Variants in NOX4 observed in about 807,000 individuals in gnomAD.
NOX4 encodes the protein kidney oxidase-1.
Under a neutral mutation model 87.6 loss-of-function variants are expected in NOX4, and 69 were observed. That is an observed-to-expected ratio of 0.79 (90% confidence interval 0.65 to 0.96). NOX4 has a LOEUF of 0.96. NOX4 is among the 40% of genes least tolerant of loss of function. The pLI, the probability that NOX4 is intolerant of heterozygous loss-of-function variation, is 0.00. For synonymous variants in NOX4, 275 were observed against 238.2 expected (o/e 1.15, Z -1.42); for missense variants, 680 against 681.5 (o/e 1.00, Z 0.02).
chr11:89,430,881 G>T (rs1387556512), intron 7 of NOX4, among the ~76,000 whole-genome samples: 8 of 152,116 alleles, frequency 5.3e-5, no homozygotes, highest in Non-Finnish European at 1.2e-4. Flanking sequence ...AACCAAAAAA[G>T]AGCCTGCATT....
intron 11 of NOX4, 38 bp downstream of exon 11, chr11:89,399,979 C>T (rs781373319): frequency 1.3e-6 from 2 of 1,500,446 alleles, no homozygotes; most frequent in Admixed American, 1.8e-5. Context: ...ATGCATAGCA[C>T]CCTACAAATG....
intron 13 of NOX4, among the ~76,000 whole-genome samples, chr11:89,353,382 A>G (rs1463256328): frequency 2.0e-5 from 3 of 152,192 alleles, no homozygotes; most frequent in African/African-American, 7.2e-5. Flanking sequence ...TCAGTCAGCA[A>G]CCATCAACAT....
intron 12 of NOX4, among the ~76,000 whole-genome samples, chr11:89,363,821 T>C (rs17193643): frequency 0.059 from 9,033 of 152,198 alleles, 362 homozygotes; most frequent in Non-Finnish European, 0.084. Context: ...TAATAATACA[T>C]GGTAATGCAT....
intron 12 of NOX4, among the ~76,000 whole-genome samples, chr11:89,370,204 T>C (rs1939339831): frequency 6.6e-6 from 1 of 151,998 alleles, no homozygotes; most frequent in Non-Finnish European, 1.5e-5. Flanking sequence ...ATCTTCTCAC[T>C]GTAGAAAACT....
upstream of NOX4, among the ~76,000 whole-genome samples, chr11:89,501,041 A>T (rs1038162790): frequency 3.9e-5 from 6 of 152,158 alleles, no homozygotes; most frequent in South Asian, 8.3e-4. Context: ...CAACTTGGAA[A>T]TATACTGCAT....
At chr11:89,451,742 G>T in intron 3 of NOX4, 43 bp downstream of exon 3, 2 of 1,343,864 alleles carry the variant, frequency 1.5e-6, no homozygotes, top group South Asian at 1.2e-5. Flanking sequence ...TGTTACACTT[G>T]ATTTTTATGC....
chr11:89,450,767 C>T (rs992760330), intron 3 of NOX4, among the ~76,000 whole-genome samples: 11 of 147,150 alleles, frequency 7.5e-5, no homozygotes, highest in Middle Eastern at 7.0e-3. Flanking sequence ...TCTCTGCACA[C>T]GTATGTTTAT....
upstream of NOX4, among the ~76,000 whole-genome samples, chr11:89,501,071 T>C (rs528653897): frequency 6.6e-6 from 1 of 152,166 alleles, no homozygotes; most frequent in South Asian, 2.1e-4. Context: ...GCTGTAGCCC[T>C]AGGAGAACAG....
At chr11:89,506,545 A>G in the NOX4 span, among the ~76,000 whole-genome samples, 17 of 151,864 alleles carry the variant, frequency 1.1e-4, no homozygotes, top group African/African-American at 2.9e-4. Flanking sequence ...CTAAAATATG[A>G]CACCAAAATC....
chr11:89,430,301 G>A (rs1217119618), intron 7 of NOX4, among the ~76,000 whole-genome samples: 3 of 152,136 alleles, frequency 2.0e-5, no homozygotes, highest in Admixed American at 6.6e-5. Flanking sequence ...CACAAGACAG[G>A]GATGTCCTCT....
At chr11:89,491,975 C>G (rs1050886784), upstream of NOX4, 5 of 152,172 alleles carry the variant, frequency 3.3e-5, no homozygotes, top group African/African-American at 1.2e-4. Context: ...TTCTTTATCC[C>G]CTTGCCCGCC....
chr11:89,421,978 A>C lies in NOX4; in HGVS notation c.553T>G (p.Ser185Ala). The C allele has an allele frequency of 6.6e-7, 1 of 1,512,470 alleles. No individual in the cohort carries two copies. The highest frequency in any genetic ancestry group is 8.9e-7 in the Non-Finnish European group (1 of 1,121,052). 93.7% of individuals were successfully genotyped at this position (1,512,470 alleles called of 1,614,324 possible). The change falls in exon 8 of 18, where the codon TCT (serine) becomes GCT (alanine). Residue 185 changes from serine to alanine, a missense_variant. Coordinates refer to ENST00000263317, the MANE Select transcript of NOX4 (RefSeq NM_016931.5). The stretch of plus-strand genomic sequence containing the variant: ...GTATACCAGAAGATATCATAGTTAG[A>C]AACTCTGCAAAAACAAATACACTCA... Reference protein sequence around the residue: ...ITASTYAIRVSNYDIFWYTHN... With the variant: ...ITASTYAIRVANYDIFWYTHN...
At chr11:89,460,497 G>A (rs1054117545) in intron 2 of NOX4, among the ~76,000 whole-genome samples, 6 of 152,124 alleles carry the variant, frequency 3.9e-5, no homozygotes, top group Non-Finnish European at 1.5e-5. Context: ...AGTGGGCGAA[G>A]GATATGAACA....
the NOX4 span, among the ~76,000 whole-genome samples, chr11:89,558,378 C>T: frequency 6.6e-6 from 1 of 152,072 alleles, no homozygotes; most frequent in African/African-American, 2.4e-5. Flanking sequence ...TTTAATATCT[C>T]AGTATGTCTA....
At chr11:89,529,550 A>G in the NOX4 span, among the ~76,000 whole-genome samples, 1 of 152,228 alleles carries the variant, frequency 6.6e-6, no homozygotes, top group East Asian at 1.9e-4. Context: ...TGTTAAAAAG[A>G]CATACATATG....
chr11:89,343,217 C>A (rs1946078950), intron 13 of NOX4, among the ~76,000 whole-genome samples: 1 of 152,110 alleles, frequency 6.6e-6, no homozygotes, highest in African/African-American at 2.4e-5. Context: ...GGATTTCTTT[C>A]ATCTATAAAA....
intron 2 of NOX4, among the ~76,000 whole-genome samples, chr11:89,479,940 T>C (rs1946323914): frequency 1.3e-5 from 2 of 152,226 alleles, no homozygotes; most frequent in South Asian, 4.1e-4. Context: ...GGGGGATTGG[T>C]TCCAGGATCC....
the NOX4 span, among the ~76,000 whole-genome samples, chr11:89,560,988 C>A: frequency 1.2e-3 from 92 of 75,570 alleles, 1 homozygote; most frequent in African/African-American, 2.0e-3. Flanking sequence ...CTCTCTCTCT[C>A]TCTCTCTCTA....
the NOX4 span, among the ~76,000 whole-genome samples, chr11:89,563,941 T>G: frequency 6.6e-6 from 1 of 152,208 alleles, no homozygotes; most frequent in East Asian, 1.9e-4. Flanking sequence ...TTTCAGCTTT[T>G]ATTCCTTTAC....
Sources: gnomAD v4.1 joint callset for allele counts (sites outside exome capture counted in the v4.1 genomes callset) on GRCh38, gnomAD v4.1.1 for gene constraint, MANE v1.5 for transcripts, NCBI Gene and HGNC (gene_info 2026-07-23, HGNC 2026-07-21) for gene names.